PTPRN2: variants seen among roughly 807,000 people sequenced by gnomAD.
PTPRN2 encodes receptor-type tyrosine-protein phosphatase N2.
In PTPRN2, 74 loss-of-function variants were observed where a neutral mutation model predicts 118.8. That is an observed-to-expected ratio of 0.62 (90% CI 0.52 to 0.76). The LOEUF (loss-of-function observed/expected upper bound fraction) is 0.76, where lower values mean the gene tolerates loss of function less well. PTPRN2 is among the 30% of genes least tolerant of loss of function. The pLI, the probability that PTPRN2 is intolerant of heterozygous loss-of-function variation, is 0.00. For synonymous variants in PTPRN2, 641 were observed against 608.0 expected (o/e 1.05, Z -0.80); for missense variants, 1,481 against 1,394.4 (o/e 1.06, Z -0.99).
chr7:158,529,252 G>C lies in PTPRN2; in HGVS notation c.113-39467C>G, dbSNP rs533125439. On this transcript the variant is annotated intron_variant, in intron 1 of 22. Transcript: ENST00000389418. This position sits in a 1 kb window ranked among gnomAD's most constrained non-coding sequence, Gnocchi z 4.7. The stretch of plus-strand genomic sequence containing the variant: ...TAACGCTGATGGGAGGAGCAGCTGC[G>C]TGCATATTTACTTCTGAATATTTTC... 6.6e-6 allele frequency among the ~76,000 whole-genome samples: 1 copy of C among 152,218 alleles called. No homozygotes were observed. The highest frequency in any genetic ancestry group is 1.9e-4 in the East Asian group (1 of 5,196).
intron 14 of PTPRN2, among the ~76,000 whole-genome samples, chr7:157,635,922 T>C (rs1804289718): frequency 6.6e-6 from 1 of 152,238 alleles, no homozygotes; most frequent in South Asian, 2.1e-4. Context: ...CTATAAAATA[T>C]TCATTCACTT....
At chr7:158,070,969 C>CGGT (rs1811352636) in intron 11 of PTPRN2, among the ~76,000 whole-genome samples, 1 of 16,632 alleles carries the variant, frequency 6.0e-5, no homozygotes. Flanking sequence ...GAGGTGCTCA[C>CGGT]GGTGGAGGTG....
intron 14 of PTPRN2, among the ~76,000 whole-genome samples, chr7:157,633,751 G>C (rs138473118): frequency 0.038 from 5,713 of 152,320 alleles, 155 homozygotes; most frequent in Non-Finnish European, 0.054. Context: ...TCCGGGAGGA[G>C]GGAAGGTCGG....
chr7:158,540,692 G>C (rs1020982756), intron 1 of PTPRN2, among the ~76,000 whole-genome samples: 1 of 152,230 alleles, frequency 6.6e-6, no homozygotes, highest in East Asian at 1.9e-4. Context: ...AGGGCCCACC[G>C]TGTGTGTCTG....
Position 157,874,030 on chromosome 7 carries a change from G to A in PTPRN2, c.1788+24643C>T, listed in dbSNP as rs140027842. 5.2e-3 allele frequency among the ~76,000 whole-genome samples: 799 copies of A among 152,272 alleles called. 6 individuals are homozygous for A. The highest frequency in any genetic ancestry group is 0.018 in the African/African-American group (733 of 41,558). On this transcript the variant is annotated intron_variant, in intron 12 of 22. Transcript: ENST00000389418. This position sits in a 1 kb window ranked among gnomAD's most constrained non-coding sequence, Gnocchi z 5.8. ...CCTCGGGAAGAGCTCTCGGGACCTC[G>A]GGGGAGTGAGGTGGCCCAGGCCTGG...
rs767415980 is a variant in PTPRN2 at position 157,598,339 on chromosome 7, G to A, written c.2419-3024C>T. ...GTTATGTTCCCGACACAAACTGCCC[G>A]GCTGTGGGAAAAGGCCTGTCATATC... On this transcript the variant is annotated intron_variant, in intron 16 of 22. Transcript: ENST00000389418. This position sits in a 1 kb window ranked among gnomAD's most constrained non-coding sequence, Gnocchi z 5.2. Among the ~76,000 whole-genome samples the A allele has an allele frequency of 4.6e-5, 7 of 152,292 alleles. No individual in the cohort carries two copies. The East Asian group carries it at 5.8e-4, about 13-fold the overall frequency.
chr7:158,467,496 T>C (rs1733146), intron 2 of PTPRN2, among the ~76,000 whole-genome samples: 103,047 of 152,004 alleles, frequency 0.68, 35,339 homozygotes, highest in Admixed American at 0.77. Context: ...GTTGCCTGTG[T>C]TTTTGGGTCT....
chr7:158,205,779 G>C (rs1179760530), intron 3 of PTPRN2, among the ~76,000 whole-genome samples: 1 of 152,202 alleles, frequency 6.6e-6, no homozygotes, highest in Non-Finnish European at 1.5e-5. Flanking sequence ...ACTTGGGAGA[G>C]AGAGCACAGT....
intron 11 of PTPRN2, among the ~76,000 whole-genome samples, chr7:157,945,544 G>A (rs914747176): frequency 1.3e-5 from 2 of 152,022 alleles, no homozygotes; most frequent in South Asian, 2.1e-4. Flanking sequence ...TCTCCAACTC[G>A]GACAATGGCG....
intron 21 of PTPRN2, among the ~76,000 whole-genome samples, chr7:157,561,220 C>T (rs1799176303): frequency 6.6e-6 from 1 of 152,100 alleles, no homozygotes; most frequent in South Asian, 2.1e-4. Context: ...CTTCGGCCCC[C>T]GGGTCCTGTA....
At chr7:157,956,567 G>A (rs566382299) in intron 11 of PTPRN2, among the ~76,000 whole-genome samples, 54 of 152,356 alleles carry the variant, frequency 3.5e-4, no homozygotes, top group African/African-American at 1.1e-3. Context: ...TATTTCTTGC[G>A]TGGGCATCAG....
intron 12 of PTPRN2, among the ~76,000 whole-genome samples, chr7:157,730,388 G>C (rs762572483): frequency 4.6e-5 from 7 of 152,336 alleles, no homozygotes; most frequent in African/African-American, 1.7e-4. Context: ...CCAAAACAGA[G>C]GAGGGTGTCG....
intron 4 of PTPRN2, among the ~76,000 whole-genome samples, chr7:158,203,632 G>A (rs1826854317): frequency 6.6e-6 from 1 of 151,942 alleles, no homozygotes; most frequent in African/African-American, 2.4e-5. Context: ...CCCTTGCTTG[G>A]TTTTCCCAAT....
intron 14 of PTPRN2, among the ~76,000 whole-genome samples, chr7:157,649,370 A>C (rs1225363232): frequency 2.9e-5 from 3 of 102,886 alleles, no homozygotes; most frequent in African/African-American, 1.0e-4. Context: ...CGTGCACTGA[A>C]CTCGGTGGGT....
At chr7:157,799,738 G>A (rs1394696865) in intron 12 of PTPRN2, among the ~76,000 whole-genome samples, 1 of 150,656 alleles carries the variant, frequency 6.6e-6, no homozygotes, top group Non-Finnish European at 1.5e-5. Context: ...TTCAACACAC[G>A]GCATCACGAA....
chr7:158,045,158 G>T (rs1808750442), intron 11 of PTPRN2, among the ~76,000 whole-genome samples: 1 of 152,170 alleles, frequency 6.6e-6, no homozygotes, highest in Admixed American at 6.5e-5. Context: ...CTGGAAGCTT[G>T]ATATCTGACC....
chr7:158,148,988 A>G (rs1820546687), intron 6 of PTPRN2, among the ~76,000 whole-genome samples: 1 of 124,556 alleles, frequency 8.0e-6, no homozygotes, highest in Non-Finnish European at 1.7e-5. Context: ...ATCTCACGCC[A>G]CACATCTTTC....
intron 5 of PTPRN2, among the ~76,000 whole-genome samples, chr7:158,179,830 G>T (rs1193169175): frequency 6.6e-6 from 1 of 152,164 alleles, no homozygotes. Flanking sequence ...ACAACACCAA[G>T]GAGTAACTGC....
At chr7:158,550,513 C>T (rs1826578370) in intron 1 of PTPRN2, among the ~76,000 whole-genome samples, 1 of 152,250 alleles carries the variant, frequency 6.6e-6, no homozygotes, top group Non-Finnish European at 1.5e-5. Flanking sequence ...CACAGGCCCA[C>T]TCATGGCTGG....
Sources: gnomAD v4.1 joint callset for allele counts (sites outside exome capture counted in the v4.1 genomes callset) on GRCh38, gnomAD v4.1.1 for gene constraint, Gnocchi (gnomAD v3.1) non-coding constraint, MANE v1.5 for transcripts, NCBI Gene and HGNC (gene_info 2026-07-23, HGNC 2026-07-21) for gene names.